The following SYT16 variants were observed in gnomAD, a reference collection of about 807,000 sequenced individuals.
SYT16 encodes synaptotagmin-16.
In SYT16, 42 loss-of-function variants were observed where a neutral mutation model predicts 61.4. That is an observed-to-expected ratio of 0.68 (90% CI 0.53 to 0.89). The LOEUF (loss-of-function observed/expected upper bound fraction) is 0.89. Ranked by LOEUF, SYT16 falls within the 40% of genes least tolerant of loss-of-function variation. SYT16 has a pLI of 0.00. For missense variants in SYT16, 804 were observed against 807.3 expected, an observed-to-expected ratio of 1.00 and a Z score of 0.05; for synonymous variants, 314 against 302.3, an observed-to-expected ratio of 1.04 and a Z score of -0.40.
intron 3 of SYT16, among the ~76,000 whole-genome samples, chr14:62,054,550 TAC>T (rs1420744759): frequency 6.6e-6 from 1 of 151,628 alleles, no homozygotes; most frequent in Non-Finnish European, 1.5e-5. Context: ...TTTGTAGAGG[TAC>T]AGTTTCCTCA....
At chr14:61,991,950 G>GTTCGTTCATTCA (rs1168996907) in intron 2 of SYT16, among the ~76,000 whole-genome samples, 3 of 149,278 alleles carry the variant, frequency 2.0e-5, no homozygotes, top group East Asian at 2.0e-4. Context: ...AACTTTGTTC[G>GTTCGTTCATTCA]TTCATTCATT....
At chr14:61,854,608 C>T (rs1017815130) in intron 1 of SYT16, among the ~76,000 whole-genome samples, 5 of 152,154 alleles carry the variant, frequency 3.3e-5, no homozygotes, top group Non-Finnish European at 7.4e-5. Context: ...ATCTGGGAGT[C>T]CTTCTTGTGC....
At chr14:61,878,213 AATGAAG>A (rs1566646382) in intron 1 of SYT16, among the ~76,000 whole-genome samples, 1 of 152,200 alleles carries the variant, frequency 6.6e-6, no homozygotes, top group Non-Finnish European at 1.5e-5. Context: ...TTATATTGAA[AATGAAG>A]ATGATTAGAA....
intron 3 of SYT16, among the ~76,000 whole-genome samples, chr14:62,006,992 T>C (rs1194333275): frequency 6.6e-6 from 1 of 152,160 alleles, no homozygotes; most frequent in Non-Finnish European, 1.5e-5. Flanking sequence ...CATGGTGATA[T>C]TTGACTTTTC....
At chr14:61,852,758 A>G (rs1216515541) in intron 1 of SYT16, among the ~76,000 whole-genome samples, 2 of 152,162 alleles carry the variant, frequency 1.3e-5, no homozygotes, top group African/African-American at 2.4e-5. Flanking sequence ...TGATTTTTGC[A>G]TGTTGGTTTT....
At position 62,101,421 on chromosome 14, in the gene SYT16, A is replaced by G. The variant is rs1197516118; in HGVS notation, c.*714A>G. 4 of 152,180 alleles carry G rather than the reference A, an allele frequency of 2.6e-5. No individual in the cohort carries two copies. The highest frequency in any genetic ancestry group is 9.7e-5 in the African/African-American group (4 of 41,444). 9.4% of individuals were successfully genotyped at this position (152,180 alleles called of 1,614,324 possible). ...CTCCTTTTGAATATGTAAGATTTCA[A>G]ACTTGTGACTTTCAAGGTTTTTATG... On this transcript the variant is annotated 3_prime_UTR_variant, in exon 8 of 8. Transcript: ENST00000683842.
chr14:61,857,508 C>T (rs1405759241), intron 1 of SYT16, among the ~76,000 whole-genome samples: 1 of 152,124 alleles, frequency 6.6e-6, no homozygotes, highest in Non-Finnish European at 1.5e-5. Flanking sequence ...CCCTAGTGAC[C>T]TTGAGAAAGC....
At chr14:61,906,711 TTCCA>T (rs761316889) in intron 1 of SYT16, among the ~76,000 whole-genome samples, 1,717 of 55,686 alleles carry the variant, frequency 0.031, 9 homozygotes, top group South Asian at 0.053. Flanking sequence ...CCATCCATCC[TTCCA>T]TCCATCCATC....
chr14:61,901,133 C>T (rs79087321), intron 1 of SYT16, among the ~76,000 whole-genome samples: 3,669 of 152,312 alleles, frequency 0.024, 53 homozygotes, highest in Admixed American at 0.031. Flanking sequence ...CTAGCCTTCC[C>T]TTTCTGACTG....
At chr14:62,043,390 T>C (rs1308161134) in intron 3 of SYT16, among the ~76,000 whole-genome samples, 1 of 151,256 alleles carries the variant, frequency 6.6e-6, no homozygotes, top group African/African-American at 2.4e-5. Flanking sequence ...CAGGAATGGA[T>C]GTTGAAATTT....
rs1595415510 is a variant in SYT16 at position 62,100,391 on chromosome 14, TAGA to T, written c.1625-2_1625del. ...CCACCCCACCCTTTTTTTTTTGTCT[TAGA>T]TACATATGGAAAACTCTTTCTCCTC... On this transcript the variant is annotated splice_acceptor_variant and coding_sequence_variant, in exon 8 of 8. Coordinates refer to ENST00000683842, the MANE Select transcript of SYT16 (RefSeq NM_001367656.1). LOFTEE classifies it high-confidence loss of function. 1 of 1,591,680 alleles carries T rather than the reference TAGA, an allele frequency of 6.3e-7. No homozygotes were observed. The highest frequency in any genetic ancestry group is 1.8e-5 in the Admixed American group (1 of 56,630).
intron 1 of SYT16, among the ~76,000 whole-genome samples, chr14:61,911,241 A>C (rs1349501522): frequency 6.6e-6 from 1 of 152,214 alleles, no homozygotes; most frequent in Non-Finnish European, 1.5e-5. Context: ...GACCGGCCAT[A>C]GACTAGAACC....
chr14:62,007,779 T>TC (rs1421716838), intron 3 of SYT16, among the ~76,000 whole-genome samples: 2 of 152,220 alleles, frequency 1.3e-5, no homozygotes, highest in Non-Finnish European at 2.9e-5. Flanking sequence ...CCTTTTTTTT[T>TC]CTATTCTTAA....
intron 3 of SYT16, among the ~76,000 whole-genome samples, chr14:62,008,103 G>T (rs977323330): frequency 2.0e-5 from 3 of 151,832 alleles, no homozygotes; most frequent in Non-Finnish European, 4.4e-5. Context: ...TTTGTGTGTT[G>T]TTTATTTATT....
Position 62,106,277 on chromosome 14 carries a change from G to C in SYT16, c.*5570G>C, listed in dbSNP as rs2057511425. 1 of 152,158 alleles carries C rather than the reference G, an allele frequency of 6.6e-6. No homozygotes were observed. 9.4% of individuals were successfully genotyped at this position (152,158 alleles called of 1,614,324 possible). On this transcript the variant is annotated 3_prime_UTR_variant, in exon 8 of 8. Transcript: ENST00000683842. ...TTACCAATATACAACTGTTAAGTTA[G>C]TCTAACTATGTGCCATAAACAGTAG...
chr14:61,833,489 TC>T (rs527928287), intron 1 of SYT16, among the ~76,000 whole-genome samples: 3 of 151,604 alleles, frequency 2.0e-5, no homozygotes, highest in Non-Finnish European at 2.9e-5. Context: ...ACGGGGTTTC[TC>T]CATGTTGGTC....
chr14:62,083,460 C>G (rs899353439), intron 6 of SYT16, among the ~76,000 whole-genome samples: 1 of 152,150 alleles, frequency 6.6e-6, no homozygotes, highest in African/African-American at 2.4e-5. Flanking sequence ...GTGCCCGTGC[C>G]TGGTGGGGAA....
At chr14:61,853,926 T>C (rs1476086364) in intron 1 of SYT16, among the ~76,000 whole-genome samples, 1 of 152,194 alleles carries the variant, frequency 6.6e-6, no homozygotes, top group Non-Finnish European at 1.5e-5. Flanking sequence ...TTTGATCTAA[T>C]GTCTAAATGT....
At chr14:61,886,163 A>C (rs1046677610) in intron 1 of SYT16, among the ~76,000 whole-genome samples, 7 of 151,802 alleles carry the variant, frequency 4.6e-5, no homozygotes, top group Non-Finnish European at 1.0e-4. Flanking sequence ...ATGGAGTTTC[A>C]CCATGTTGGC....
Sources: allele counts gnomAD v4.1 joint callset (sites outside exome capture counted in the v4.1 genomes callset), GRCh38; gene constraint gnomAD v4.1.1; transcripts MANE v1.5; gene names NCBI Gene and HGNC (gene_info 2026-07-23, HGNC 2026-07-21).